The following CFAP97 variants were observed in gnomAD, a reference collection of about 807,000 sequenced individuals.
The protein encoded by CFAP97 is cilia and flagella associated protein 97, also known as cilia- and flagella-associated protein 97.
A neutral mutation model predicts 43.1 loss-of-function variants in CFAP97; 36 were observed. The ratio of observed to expected loss-of-function variants is 0.84; its 90% CI spans 0.64 to 1.10. CFAP97 has a LOEUF of 1.10. Among genes scored for constraint, CFAP97 ranks in the 50% least tolerant of loss-of-function variants. The pLI is 0.00. For synonymous variants in CFAP97, 228 were observed against 225.7 expected (o/e 1.01, Z -0.09); for missense variants, 657 against 620.3 (o/e 1.06, Z -0.63).
intron 3 of CFAP97, chr4:185,169,982 G>C: frequency 9.4e-7 from 1 of 1,068,944 alleles, no homozygotes; most frequent in Non-Finnish European, 1.1e-6. Context: ...GTAGGTATGA[G>C]ACTTGCTATA....
chr4:185,170,190 A>C, intron 3 of CFAP97: 1 of 580,744 alleles, frequency 1.7e-6, no homozygotes. Flanking sequence ...CACTAAAAAT[A>C]CAAAAATTAG....
intron 3 of CFAP97, 93 bp from the exon 4 acceptor site, chr4:185,164,272 TC>T: frequency 3.3e-6 from 4 of 1,203,818 alleles, no homozygotes; most frequent in Non-Finnish European, 4.5e-6. Flanking sequence ...TCACTTTCTT[TC>T]TTTTTTTTTT....
intron 3 of CFAP97, among the ~76,000 whole-genome samples, chr4:185,168,227 C>T (rs1004927452): frequency 5.9e-5 from 9 of 151,350 alleles, no homozygotes; most frequent in Middle Eastern, 3.5e-3. Flanking sequence ...TGGTAATGTA[C>T]GGTTTACAAA....
chr4:185,205,852 C>T (rs1240311852), upstream of CFAP97, among the ~76,000 whole-genome samples: 1 of 152,000 alleles, frequency 6.6e-6, no homozygotes, highest in Non-Finnish European at 1.5e-5. Flanking sequence ...AAACTGTGGT[C>T]AAAAGTTTAT....
chr4:185,192,642 A>G (rs370366559), intron 1 of CFAP97, among the ~76,000 whole-genome samples: 1 of 151,800 alleles, frequency 6.6e-6, no homozygotes, highest in South Asian at 2.1e-4. Context: ...TGTTTATTAC[A>G]GTGGTCAAAG....
chr4:185,184,154 G>A (rs1375166820), intron 2 of CFAP97, among the ~76,000 whole-genome samples: 1 of 152,134 alleles, frequency 6.6e-6, no homozygotes, highest in Non-Finnish European at 1.5e-5. Context: ...TCACCAGTAG[G>A]GGCTGATTAG....
Position 185,161,691 on chromosome 4 carries a change from C to T in CFAP97, c.*1107G>A, listed in dbSNP as rs1466205530. ...GATTACTAGGTCTTTAAATGTGGGA[C>T]TGGTAAAAATAATACTTCCAGGGTT... On this transcript the variant is annotated 3_prime_UTR_variant, in exon 5 of 5. Transcript: ENST00000458385. 6.6e-6 allele frequency: 1 copy of T among 152,136 alleles called. No homozygotes were observed. Among genetic ancestry groups the T allele is most frequent in the African/African-American group, 2.4e-5 (1 of 41,426 alleles). 9.4% of individuals were successfully genotyped at this position (152,136 alleles called of 1,614,324 possible). A position where few individuals can be genotyped will look rare whatever the true frequency, so the allele number is the denominator to read the frequency against.
chr4:185,209,747 G>T, upstream of CFAP97: 1 of 984,032 alleles, frequency 1.0e-6, no homozygotes, highest in Non-Finnish European at 1.2e-6. This position sits in a 1 kb window ranked among gnomAD's most constrained non-coding sequence, Gnocchi z 5.2. Context: ...GCATGAGCGC[G>T]GGCTCCCCCT....
chr4:185,163,138 A>G (rs1398535224), intron 4 of CFAP97, among the ~76,000 whole-genome samples: 1 of 152,236 alleles, frequency 6.6e-6, no homozygotes, highest in Non-Finnish European at 1.5e-5. Flanking sequence ...ATTGGCGTGG[A>G]AAACAAACAT....
chr4:185,163,291 CCA>C (rs1489703879), intron 4 of CFAP97, among the ~76,000 whole-genome samples: 1 of 152,042 alleles, frequency 6.6e-6, no homozygotes, highest in Non-Finnish European at 1.5e-5. Flanking sequence ...AGTCACTATA[CCA>C]CGGAAGCAAG....
At chr4:185,170,323 G>A (rs1270631505) in intron 3 of CFAP97, 2 of 615,988 alleles carry the variant, frequency 3.2e-6, no homozygotes, top group Admixed American at 2.5e-5. Flanking sequence ...TCCAGCCTGG[G>A]TGACAGAGCG....
chr4:185,164,559 G>A (rs1734996964), intron 3 of CFAP97, among the ~76,000 whole-genome samples: 1 of 152,126 alleles, frequency 6.6e-6, no homozygotes, highest in African/African-American at 2.4e-5. Context: ...ATACAGTCAT[G>A]GGTTCTTAGT....
intron 2 of CFAP97, 25 bp downstream of exon 2, chr4:185,190,118 A>T (rs1736164970): frequency 2.7e-6 from 4 of 1,501,968 alleles, no homozygotes; most frequent in Non-Finnish European, 3.6e-6. Context: ...TTAAACACAC[A>T]TTTTTAAGAA....
chr4:185,170,369 C>G, intron 3 of CFAP97: 1 of 493,442 alleles, frequency 2.0e-6, no homozygotes. Flanking sequence ...TAAAGTTACT[C>G]CTGTATACTA....
upstream of CFAP97, among the ~76,000 whole-genome samples, chr4:185,208,073 A>T (rs1737268701): frequency 6.6e-6 from 1 of 152,170 alleles, no homozygotes; most frequent in Non-Finnish European, 1.5e-5. Flanking sequence ...TTTTAGAGGC[A>T]AAAGGGCTTC....
At position 185,174,320 on chromosome 4, in the gene CFAP97, G is replaced by T. The variant is rs147129050; in HGVS notation, c.1320+1466C>A. ...ATCTTGAATACTGCGAAGGTGATGT[G>T]TGGAAAGCTATCATCTATCTCAGCT... On this transcript the variant is annotated intron_variant, in intron 3 of 4. Coordinates refer to ENST00000458385, the MANE Select transcript of CFAP97 (RefSeq NM_020827.3). Among the ~76,000 whole-genome samples, 1,047 of 152,298 alleles carry T rather than the reference G, an allele frequency of 6.9e-3. 7 individuals are homozygous for T. Among genetic ancestry groups the T allele is most frequent in the Non-Finnish European group, 0.011 (751 of 68,030 alleles).
At chr4:185,192,801 T>C (rs1258358424) in intron 1 of CFAP97, among the ~76,000 whole-genome samples, 6 of 139,176 alleles carry the variant, frequency 4.3e-5, no homozygotes, top group African/African-American at 8.3e-5. Context: ...AGTGCAGTGG[T>C]GCAATCTCGG....
chr4:185,183,187 T>C (rs980180436), intron 2 of CFAP97, among the ~76,000 whole-genome samples: 2 of 152,154 alleles, frequency 1.3e-5, no homozygotes, highest in African/African-American at 4.8e-5. Context: ...TCTCACCTAA[T>C]ATGGCTGTTA....
chr4:185,195,186 A>G (rs1162358458), intron 1 of CFAP97, among the ~76,000 whole-genome samples: 2 of 152,240 alleles, frequency 1.3e-5, no homozygotes, highest in East Asian at 3.8e-4. Flanking sequence ...TGAATAAAAA[A>G]GCAGAATTTA....
Sources: gnomAD v4.1 joint callset for allele counts (sites outside exome capture counted in the v4.1 genomes callset) on GRCh38, gnomAD v4.1.1 for gene constraint, Gnocchi (gnomAD v3.1) non-coding constraint, MANE v1.5 for transcripts, NCBI Gene and HGNC (gene_info 2026-07-23, HGNC 2026-07-21) for gene names.